Variants in TRAPPC9 observed in about 807,000 individuals in gnomAD.
TRAPPC9 encodes the protein IKK2 binding protein.
Under a neutral mutation model 124.0 loss-of-function variants are expected in TRAPPC9, and 83 were observed. That is an observed-to-expected ratio of 0.67 (90% CI 0.56 to 0.80). The LOEUF is 0.80. Among genes scored for constraint, TRAPPC9 ranks in the 30% least tolerant of loss-of-function variants. The pLI is 0.00. For missense variants in TRAPPC9, 1,302 were observed against 1,508.3 expected (o/e 0.86, Z 2.27); for synonymous variants, 638 against 617.5 (o/e 1.03, Z -0.49).
chr8:140,401,084 G>A (rs1179292433), intron 6 of TRAPPC9, among the ~76,000 whole-genome samples: 1 of 152,096 alleles, frequency 6.6e-6, no homozygotes, highest in Non-Finnish European at 1.5e-5. Flanking sequence ...TCTTTTGCTG[G>A]GGCATTAGGT....
At chr8:139,876,561 C>T (rs1331388146) in intron 21 of TRAPPC9, among the ~76,000 whole-genome samples, 2 of 152,218 alleles carry the variant, frequency 1.3e-5, no homozygotes, top group Non-Finnish European at 2.9e-5. Flanking sequence ...AACCCCAGCC[C>T]TCATCTGACA....
At position 140,446,293 on chromosome 8, in the gene TRAPPC9, CA is replaced by C. The variant is rs59393001; in HGVS notation, c.584+4496del. On this transcript the variant is annotated intron_variant, in intron 2 of 22. Coordinates refer to ENST00000438773, the MANE Select transcript of TRAPPC9 (RefSeq NM_001160372.4). ...TGGGCGAAAGAGTAAGACTCTGTCTCAAAAAAAAAAAAAAAAAAAGCAGACA... is the reference window on the plus strand; with the variant it reads ...TGGGCGAAAGAGTAAGACTCTGTCTCAAAAAAAAAAAAAAAAAAGCAGACA... 5.3e-3 allele frequency among the ~76,000 whole-genome samples: 585 copies of C among 110,280 alleles called. 2 individuals carry two copies. The highest frequency in any genetic ancestry group is 0.015 in the African/African-American group (422 of 28,760). 72.3% of individuals were successfully genotyped at this position (110,280 alleles called of 152,430 possible). A position where few individuals can be genotyped will look rare whatever the true frequency, so the allele number is the denominator to read the frequency against.
At chr8:139,903,548 GC>G (rs1009459380) in intron 20 of TRAPPC9, among the ~76,000 whole-genome samples, 10 of 152,228 alleles carry the variant, frequency 6.6e-5, no homozygotes, top group African/African-American at 2.4e-4. Flanking sequence ...CCCTAGGCTT[GC>G]CAGAAGCGTG....
chr8:140,325,544 C>T (rs2066713225), intron 9 of TRAPPC9, among the ~76,000 whole-genome samples: 1 of 152,142 alleles, frequency 6.6e-6, no homozygotes, highest in Admixed American at 6.5e-5. Flanking sequence ...TAGACAAACT[C>T]CTTGGGGGTA....
chr8:140,350,535 C>G (rs1426905262), intron 9 of TRAPPC9, among the ~76,000 whole-genome samples: 1 of 152,156 alleles, frequency 6.6e-6, no homozygotes, highest in East Asian at 1.9e-4. Flanking sequence ...TCCAGGCCGT[C>G]CCAGGACAAG....
intron 21 of TRAPPC9, among the ~76,000 whole-genome samples, chr8:139,857,212 G>A (rs1007953517): frequency 1.3e-5 from 2 of 152,194 alleles, no homozygotes; most frequent in East Asian, 1.9e-4. Flanking sequence ...GCGCCAGGAG[G>A]TGAGGCCAGA....
chr8:140,327,180 GA>G lies in TRAPPC9; in HGVS notation c.1496-15807del, dbSNP rs1256698681. Among the ~76,000 whole-genome samples, 7 of 152,174 alleles carry G rather than the reference GA, an allele frequency of 4.6e-5. No individual in the cohort carries two copies. In the East Asian group the frequency reaches 1.4e-3, roughly 29 times the overall value. On this transcript the variant is annotated intron_variant, in intron 9 of 22. Transcript: ENST00000438773. ...AGACAGGAGAATTGCTTGAACCTGG[GA>G]GGCGGAGGTTGCAGTGAGCTGAGAT...
At chr8:139,979,061 C>T (rs191011596) in intron 19 of TRAPPC9, among the ~76,000 whole-genome samples, 175 of 152,102 alleles carry the variant, frequency 1.2e-3, no homozygotes, top group African/African-American at 3.7e-3. Context: ...ACTGGGGCGC[C>T]GTGGTTGACA....
chr8:140,342,205 G>T (rs570265915), intron 9 of TRAPPC9, among the ~76,000 whole-genome samples: 5 of 152,296 alleles, frequency 3.3e-5, no homozygotes, highest in African/African-American at 1.2e-4. Flanking sequence ...CTGGAGCCAC[G>T]TTGTCCCACA....
At chr8:139,746,312 T>C (rs1161293622) in intron 21 of TRAPPC9, among the ~76,000 whole-genome samples, 3 of 152,118 alleles carry the variant, frequency 2.0e-5, no homozygotes, top group Non-Finnish European at 4.4e-5. Context: ...GGGAGTGAGT[T>C]GGAAACACAA....
At chr8:139,852,180 C>CA (rs1387997109) in intron 21 of TRAPPC9, among the ~76,000 whole-genome samples, 3 of 152,206 alleles carry the variant, frequency 2.0e-5, no homozygotes, top group Non-Finnish European at 4.4e-5. Context: ...ACTTGCTCCT[C>CA]CTTGCCTTCC....
chr8:140,411,266 C>T (rs1249074816), intron 5 of TRAPPC9, among the ~76,000 whole-genome samples: 1 of 152,198 alleles, frequency 6.6e-6, no homozygotes, highest in Non-Finnish European at 1.5e-5. Flanking sequence ...CACTTTCCAA[C>T]AAAAGAAACT....
intron 21 of TRAPPC9, among the ~76,000 whole-genome samples, chr8:139,759,279 G>A (rs916480693): frequency 3.9e-5 from 6 of 152,164 alleles, no homozygotes; most frequent in Non-Finnish European, 7.4e-5. Flanking sequence ...CGGAAGGGGC[G>A]GGGAGGAATA....
At chr8:140,222,167 T>C (rs1587957297) in intron 16 of TRAPPC9, among the ~76,000 whole-genome samples, 2 of 152,198 alleles carry the variant, frequency 1.3e-5, no homozygotes, top group East Asian at 3.9e-4. Context: ...TCCCCTCCCT[T>C]CGTGCAGCCA....
intron 16 of TRAPPC9, among the ~76,000 whole-genome samples, chr8:140,249,597 CTTTTTTTTTTTT>C (rs35511380): frequency 2.4e-5 from 2 of 81,962 alleles, no homozygotes; most frequent in South Asian, 5.1e-4. Flanking sequence ...ATCTTTCACT[CTTTTTTTTTTTT>C]TTTTTTTTTT....
chr8:140,382,174 C>T (rs1024300183), intron 7 of TRAPPC9, among the ~76,000 whole-genome samples: 5 of 152,154 alleles, frequency 3.3e-5, no homozygotes, highest in African/African-American at 7.2e-5. Context: ...CCAAGATGGC[C>T]GAATAGGAAC....
At chr8:140,142,757 C>A (rs560734287) in intron 17 of TRAPPC9, among the ~76,000 whole-genome samples, 1 of 152,196 alleles carries the variant, frequency 6.6e-6, no homozygotes, top group Non-Finnish European at 1.5e-5. Context: ...AGCTTAGCCA[C>A]GTTATTAGTT....
At chr8:139,793,799 G>A (rs1308168323) in intron 21 of TRAPPC9, among the ~76,000 whole-genome samples, 1 of 152,206 alleles carries the variant, frequency 6.6e-6, no homozygotes, top group Non-Finnish European at 1.5e-5. Flanking sequence ...AGCAGCTCCA[G>A]ACAGTGGAAA....
chr8:140,244,261 AT>A (rs1433938731), intron 16 of TRAPPC9, among the ~76,000 whole-genome samples: 4 of 152,192 alleles, frequency 2.6e-5, no homozygotes, highest in Non-Finnish European at 4.4e-5. Flanking sequence ...TAGACAAATC[AT>A]TCCACCTTCC....
Sources: gnomAD v4.1 joint callset for allele counts (sites outside exome capture counted in the v4.1 genomes callset) on GRCh38, gnomAD v4.1.1 for gene constraint, MANE v1.5 for transcripts, NCBI Gene and HGNC (gene_info 2026-07-23, HGNC 2026-07-21) for gene names.